Variants in DSE observed in about 807,000 individuals in gnomAD.
The protein encoded by DSE is dermatan-sulfate epimerase.
In DSE, 36 loss-of-function variants were observed where a neutral mutation model predicts 84.4. The observed-to-expected ratio is 0.43, with a 90% CI of 0.33 to 0.56. DSE has a LOEUF of 0.56. DSE is among the 20% of genes least tolerant of loss of function. DSE has a pLI of 0.06. For missense variants in DSE, 862 were observed against 1,169.6 expected, an observed-to-expected ratio of 0.74 and a Z score of 3.84; for synonymous variants, 410 against 430.1, an observed-to-expected ratio of 0.95 and a Z score of 0.58.
At chr6:116,323,445 A>G (rs1776443602) in intron 2 of DSE, among the ~76,000 whole-genome samples, 1 of 152,192 alleles carries the variant, frequency 6.6e-6, no homozygotes, top group Non-Finnish European at 1.5e-5. Context: ...AAAACTTTTC[A>G]GTGGCAGCAA....
At chr6:116,359,320 G>T (rs773188722) in intron 2 of DSE, among the ~76,000 whole-genome samples, 7 of 151,982 alleles carry the variant, frequency 4.6e-5, no homozygotes, top group South Asian at 2.1e-4. Flanking sequence ...AGCATTTGTA[G>T]GTTTGCCTCT....
At chr6:116,370,481 G>A (rs1025390849), upstream of DSE, 5 of 986,556 alleles carry the variant, frequency 5.1e-6, no homozygotes, top group Non-Finnish European at 6.0e-6. Context: ...GCAGACTGGA[G>A]TGGGCACCAG....
Position 116,321,596 on chromosome 6 carries a change from G to T in DSE, c.-54+62629G>T, listed in dbSNP as rs150184994. On this transcript the variant is annotated intron_variant, in intron 2 of 3. Transcript: ENST00000430252. Reference sequence around the variant, plus strand: ...AGTTCAGGCATTGGAGACCAGCCCAGCAAACATAGTGAAACCCCGTCTCTA... The same window carrying T: ...AGTTCAGGCATTGGAGACCAGCCCATCAAACATAGTGAAACCCCGTCTCTA... Among the ~76,000 whole-genome samples the T allele has an allele frequency of 5.8e-4, 89 of 152,194 alleles. 3 individuals carry two copies. The East Asian group carries it at 0.016, about 28-fold the overall frequency.
In DSE at chr6:116,269,139, C is replaced by T. The variant is rs181043486; in HGVS notation, c.-54+10172C>T. ...CCTTTGTATGCTGGTTAAAGATGCA[C>T]CCTTTGAAATCAAACAGATCTGACG... On this transcript the variant is annotated intron_variant, in intron 2 of 3. Coordinates refer to the DSE transcript ENST00000430252. 1.5e-3 allele frequency among the ~76,000 whole-genome samples: 221 copies of T among 152,200 alleles called. 1 individual carries two copies. Among genetic ancestry groups the T allele is most frequent in the African/African-American group, 5.1e-3 (211 of 41,532 alleles).
upstream of DSE, chr6:116,370,791 G>A: frequency 1.0e-6 from 1 of 973,244 alleles, no homozygotes; most frequent in Non-Finnish European, 1.2e-6. Flanking sequence ...GTTCGGCCGG[G>A]GGAGGGGGTC....
At position 116,254,398 on chromosome 6, in the gene DSE, A is replaced by AT. The variant is rs1193402961; in HGVS notation, c.-576+105dup. On this transcript the variant is annotated intron_variant, in intron 1 of 3. Coordinates refer to the DSE transcript ENST00000430252. The stretch of plus-strand genomic sequence containing the variant: ...TTTACTTTAAGGTGAGTTACTGTCT[A>AT]TTCAAGTCAGTTCATAGGGCTTCTC... 2.8e-5 allele frequency: 13 copies of AT among 464,504 alleles called. No homozygotes were observed. The East Asian group carries it at 8.0e-4, about 29-fold the overall frequency. 28.8% of individuals were successfully genotyped at this position (464,504 alleles called of 1,614,324 possible).
At chr6:116,255,478 C>T (rs2114582851) in intron 1 of DSE, 1 of 152,332 alleles carries the variant, frequency 6.6e-6, no homozygotes, top group South Asian at 2.1e-4. Context: ...CCAGAATGAC[C>T]TCTTTACTGC....
chr6:116,433,332 T>C lies in DSE; in HGVS notation c.911-11T>C, dbSNP rs1783960422. 2 of 1,550,290 alleles carry C rather than the reference T, an allele frequency of 1.3e-6. No individual in the cohort carries two copies. Among genetic ancestry groups the C allele is most frequent in the African/African-American group, 2.7e-5 (2 of 72,992 alleles). The stretch of plus-strand genomic sequence containing the variant: ...CAAAGTATCTTAATTCTTTCCAACT[T>C]ATTTCCCTAGGGTTTCAAAGGACTG... On this transcript the variant is annotated splice_polypyrimidine_tract_variant and intron_variant, in intron 4 of 5. Coordinates refer to ENST00000644252, the MANE Select transcript of DSE (RefSeq NM_013352.4).
intron 5 of DSE, 59 bp downstream of exon 5, chr6:116,433,609 A>G (rs959147654): frequency 6.7e-7 from 1 of 1,503,088 alleles, no homozygotes; most frequent in African/African-American, 1.4e-5. Flanking sequence ...TATTCATGCT[A>G]TGCACTTGTT....
At chr6:116,382,100 A>G (rs916069296) in intron 1 of DSE, among the ~76,000 whole-genome samples, 1 of 150,960 alleles carries the variant, frequency 6.6e-6, no homozygotes. Context: ...TTATAAAGAC[A>G]CTGGTCATAT....
chr6:116,294,815 C>T (rs1487741045), intron 2 of DSE, among the ~76,000 whole-genome samples: 3 of 152,074 alleles, frequency 2.0e-5, no homozygotes. Flanking sequence ...GTCTCTCCTC[C>T]AATTTCCTCT....
chr6:116,269,180 G>A (rs1236346155), intron 2 of DSE, among the ~76,000 whole-genome samples: 1 of 152,120 alleles, frequency 6.6e-6, no homozygotes, highest in Non-Finnish European at 1.5e-5. Flanking sequence ...TCCCAGTTCT[G>A]TTACTTACTA....
chr6:116,347,716 T>C (rs1190077088), intron 2 of DSE, among the ~76,000 whole-genome samples: 2 of 152,176 alleles, frequency 1.3e-5, no homozygotes, highest in Non-Finnish European at 2.9e-5. Context: ...GGCAATACCA[T>C]TCAGGACATA....
chr6:116,333,152 A>C (rs920735415), intron 2 of DSE, among the ~76,000 whole-genome samples: 5 of 152,230 alleles, frequency 3.3e-5, no homozygotes, highest in African/African-American at 1.2e-4. Context: ...ATTCACATAA[A>C]TTCATGCATC....
intron 3 of DSE, among the ~76,000 whole-genome samples, chr6:116,427,373 C>G (rs948009213): frequency 6.6e-6 from 1 of 152,158 alleles, no homozygotes; most frequent in African/African-American, 2.4e-5. Flanking sequence ...GTTCTTTTAA[C>G]TCTAAATTAC....
At chr6:116,393,513 T>A (rs1192766680) in intron 1 of DSE, among the ~76,000 whole-genome samples, 1 of 152,240 alleles carries the variant, frequency 6.6e-6, no homozygotes, top group Non-Finnish European at 1.5e-5. Context: ...TTCCTTTTTA[T>A]AAATATTATT....
At chr6:116,297,267 A>T (rs1026750301) in intron 2 of DSE, among the ~76,000 whole-genome samples, 2 of 152,094 alleles carry the variant, frequency 1.3e-5, no homozygotes, top group African/African-American at 4.8e-5. Context: ...GAGGAGGAAC[A>T]TTCCAGCTTC....
At chr6:116,395,820 T>C (rs1781219149) in intron 1 of DSE, among the ~76,000 whole-genome samples, 1 of 152,214 alleles carries the variant, frequency 6.6e-6, no homozygotes, top group South Asian at 2.1e-4. Flanking sequence ...AAGAGAAAAC[T>C]CAATGACTGG....
chr6:116,429,041 C>A (rs529449013), intron 3 of DSE, among the ~76,000 whole-genome samples: 1 of 152,214 alleles, frequency 6.6e-6, no homozygotes, highest in East Asian at 1.9e-4. Flanking sequence ...ATGTGGTATC[C>A]TGGGAACAGT....
Sources: gnomAD v4.1 joint callset for allele counts (sites outside exome capture counted in the v4.1 genomes callset) on GRCh38, gnomAD v4.1.1 for gene constraint, MANE v1.5 for transcripts, NCBI Gene and HGNC (gene_info 2026-07-23, HGNC 2026-07-21) for gene names.